HUNK: variants seen among roughly 807,000 people sequenced by gnomAD.
HUNK encodes the protein hormonally up-regulated Neu-associated kinase, also known as hormonally up-regulated neu tumor-associated kinase.
HUNK carries 21 observed loss-of-function variants against 61.0 expected under a neutral mutation model. The observed-to-expected ratio is 0.34, with a 90% CI of 0.24 to 0.50. HUNK has a LOEUF of 0.50. Ranked by LOEUF, HUNK falls within the 20% of genes least tolerant of loss-of-function variation. The pLI, the probability that HUNK is intolerant of heterozygous loss-of-function variation, is 0.98. For missense variants in HUNK, 772 were observed against 945.7 expected, an observed-to-expected ratio of 0.82 and a Z score of 2.41; for synonymous variants, 371 against 386.1, an observed-to-expected ratio of 0.96 and a Z score of 0.46.
At chr21:31,961,512 A>G (rs1171404673) in intron 5 of HUNK, among the ~76,000 whole-genome samples, 1 of 152,200 alleles carries the variant, frequency 6.6e-6, no homozygotes, top group Non-Finnish European at 1.5e-5. Context: ...TTGCATTCCC[A>G]CTAGCAATAT....
In HUNK at chr21:31,947,248, T is replaced by G. The variant is rs1243236213; in HGVS notation, c.746+1077T>G. 2.5e-3 allele frequency among the ~76,000 whole-genome samples: 358 copies of G among 141,784 alleles called. 5 individuals are homozygous for G. The highest frequency in any genetic ancestry group is 7.3e-3 in the African/African-American group (264 of 35,968). 93.0% of individuals were successfully genotyped at this position (141,784 alleles called of 152,430 possible). On this transcript the variant is annotated intron_variant, in intron 4 of 10. Transcript: ENST00000270112. ...GCGCCTGCGCATTCCCACATCCCAG[T>G]CTCAAGCCAGTGGCGCCTGCGCATT...
At chr21:31,878,433 C>T (rs982387244) in intron 1 of HUNK, among the ~76,000 whole-genome samples, 3 of 151,484 alleles carry the variant, frequency 2.0e-5, no homozygotes, top group Non-Finnish European at 2.9e-5. Flanking sequence ...TTGGATAATT[C>T]CTTAGAAGTT....
intron 2 of HUNK, among the ~76,000 whole-genome samples, chr21:31,927,769 A>T (rs1340129016): frequency 6.6e-6 from 1 of 152,082 alleles, no homozygotes; most frequent in South Asian, 2.1e-4. Flanking sequence ...GTGCCGTGGG[A>T]TGCTCTGCCC....
intron 1 of HUNK, among the ~76,000 whole-genome samples, chr21:31,893,198 C>T (rs966934253): frequency 2.7e-5 from 4 of 150,828 alleles, no homozygotes; most frequent in African/African-American, 9.8e-5. Flanking sequence ...ACCCGAGCTA[C>T]AGAAAAGAAT....
At chr21:31,934,994 C>G (rs1158680789) in intron 2 of HUNK, among the ~76,000 whole-genome samples, 1 of 152,072 alleles carries the variant, frequency 6.6e-6, no homozygotes, top group East Asian at 1.9e-4. Flanking sequence ...GATTTTCACC[C>G]TTTTTTATTC....
At chr21:31,953,243 CT>C (rs397948129) in intron 4 of HUNK, among the ~76,000 whole-genome samples, 3,021 of 134,754 alleles carry the variant, frequency 0.022, 25 homozygotes, top group African/African-American at 0.041. Context: ...GGTTTCCATT[CT>C]TTTTTTTTTT....
At chr21:31,898,704 G>C (rs900158093) in intron 1 of HUNK, among the ~76,000 whole-genome samples, 17 of 152,250 alleles carry the variant, frequency 1.1e-4, no homozygotes, top group African/African-American at 4.1e-4. Context: ...GTTGTGGAGT[G>C]GGGTGGAACA....
chr21:31,875,909 A>G (rs2052258616), intron 1 of HUNK, among the ~76,000 whole-genome samples: 1 of 152,048 alleles, frequency 6.6e-6, no homozygotes, highest in Non-Finnish European at 1.5e-5. Flanking sequence ...GTAGCAGCGC[A>G]TTTTTGCACC....
intron 1 of HUNK, among the ~76,000 whole-genome samples, chr21:31,900,384 G>A (rs191507761): frequency 5.3e-5 from 8 of 151,446 alleles, no homozygotes; most frequent in East Asian, 2.0e-4. Flanking sequence ...ACAAGCAAGC[G>A]TGTGGTAGCT....
At chr21:31,881,046 A>G (rs961001935) in intron 1 of HUNK, among the ~76,000 whole-genome samples, 2 of 152,254 alleles carry the variant, frequency 1.3e-5, no homozygotes, top group Non-Finnish European at 2.9e-5. Flanking sequence ...GGCAAGGGGC[A>G]TGGCCTCGTA....
At chr21:31,886,423 CAAA>C (rs35762828) in intron 1 of HUNK, among the ~76,000 whole-genome samples, 2 of 130,636 alleles carry the variant, frequency 1.5e-5, no homozygotes, top group Non-Finnish European at 3.2e-5. Context: ...GAGACTGTCT[CAAA>C]AAAAAAAAAA....
chr21:31,932,804 G>C (rs115537312), intron 2 of HUNK, among the ~76,000 whole-genome samples: 2,824 of 151,914 alleles, frequency 0.019, 75 homozygotes, highest in African/African-American at 0.065. Context: ...CGTGGCTTCT[G>C]GTTGGTATAT....
intron 2 of HUNK, among the ~76,000 whole-genome samples, chr21:31,934,135 T>C (rs1157846053): frequency 1.3e-5 from 2 of 152,088 alleles, no homozygotes; most frequent in Non-Finnish European, 2.9e-5. Flanking sequence ...GGCTTGCTCA[T>C]AATTTTTTTA....
chr21:31,885,362 G>A (rs1236023469), intron 1 of HUNK, among the ~76,000 whole-genome samples: 2 of 152,212 alleles, frequency 1.3e-5, no homozygotes, highest in Non-Finnish European at 2.9e-5. Flanking sequence ...TGGTGGGGCC[G>A]ACAGGCGGGC....
Position 31,974,625 on chromosome 21 carries a change from G to A in HUNK, c.1081G>A (p.Asp361Asn), listed in dbSNP as rs1334178607. The part of the protein sequence containing the change: ...MTEKLGYKNS[D>N]VINTVLSNRA... ...CGAGAAGCTGGGTTACAAGAACAGC[G>A]ACGTGATCAACACTGTGCTCTCCAA... The change falls in exon 7 of 11, where the codon GAC (aspartate) becomes AAC (asparagine). Residue 361 changes from aspartate (D) to asparagine (N), a missense_variant. Asp to Asn is a conservative substitution (Grantham distance 23). Around this residue, in one of 2 missense-constraint regions of HUNK, gnomAD observed 359 missense variants for 501.3 expected, o/e 0.72. Coordinates refer to ENST00000270112, the MANE Select transcript of HUNK (RefSeq NM_014586.2). 6.2e-7 allele frequency: 1 copy of A among 1,613,814 alleles called. No homozygotes were observed. Among genetic ancestry groups the A allele is most frequent in the Admixed American group, 1.7e-5 (1 of 59,970 alleles).
intron 1 of HUNK, among the ~76,000 whole-genome samples, chr21:31,920,109 C>T (rs1242973275): frequency 2.0e-5 from 3 of 152,190 alleles, no homozygotes; most frequent in Non-Finnish European, 4.4e-5. Context: ...AGCCAACATT[C>T]CTTGGCTTGT....
intron 10 of HUNK, among the ~76,000 whole-genome samples, chr21:31,997,516 A>C (rs533742272): frequency 6.6e-6 from 1 of 152,326 alleles, no homozygotes; most frequent in African/African-American, 2.4e-5. Context: ...TTCCACTTAT[A>C]TGAGGTCCCT....
chr21:31,969,889 A>C (rs1488727080), intron 6 of HUNK, among the ~76,000 whole-genome samples: 1 of 151,924 alleles, frequency 6.6e-6, no homozygotes, highest in Non-Finnish European at 1.5e-5. Flanking sequence ...ATTTTTTTCT[A>C]CTCATTTGTC....
chr21:31,882,519 T>G (rs2833549), intron 1 of HUNK, among the ~76,000 whole-genome samples: 62,000 of 151,930 alleles, frequency 0.41, 12,909 homozygotes, highest in Middle Eastern at 0.48. Context: ...AAATGCGTAG[T>G]TAGGGGCAGA....
Sources: allele counts gnomAD v4.1 joint callset (sites outside exome capture counted in the v4.1 genomes callset), GRCh38; gene constraint gnomAD v4.1.1; regional missense constraint gnomAD v4.1.1; transcripts MANE v1.5; gene names NCBI Gene and HGNC (gene_info 2026-07-23, HGNC 2026-07-21).